The following ZYG11B variants were observed in gnomAD, a reference collection of about 807,000 sequenced individuals.
The protein encoded by ZYG11B is zyg-11 family member B, cell cycle regulator.
In ZYG11B, 36 loss-of-function variants were observed where a neutral mutation model predicts 82.4. The observed-to-expected ratio is 0.44, with a 90% CI of 0.33 to 0.58. The LOEUF (loss-of-function observed/expected upper bound fraction) is 0.58, where lower values mean the gene tolerates loss of function less well. Among genes scored for constraint, ZYG11B ranks in the 20% least tolerant of loss-of-function variants. ZYG11B has a pLI of 0.02. For synonymous variants in ZYG11B, 303 were observed against 312.8 expected, an observed-to-expected ratio of 0.97 and a Z score of 0.33; for missense variants, 552 against 895.6, an observed-to-expected ratio of 0.62 and a Z score of 4.90.
chr1:52,798,020 G>A (rs915021846), intron 8 of ZYG11B, among the ~76,000 whole-genome samples: 1 of 152,002 alleles, frequency 6.6e-6, no homozygotes, highest in East Asian at 1.9e-4. Context: ...CTACTCAAGA[G>A]GCTGAGGTGG....
intron 3 of ZYG11B, among the ~76,000 whole-genome samples, chr1:52,778,392 C>T (rs541142413): frequency 2.0e-5 from 3 of 152,116 alleles, no homozygotes; most frequent in African/African-American, 4.8e-5. Flanking sequence ...TCCGAAAGTG[C>T]TGGGATTACA....
chr1:52,781,652 T>C (rs578085825), intron 4 of ZYG11B, among the ~76,000 whole-genome samples: 51 of 152,314 alleles, frequency 3.3e-4, no homozygotes, highest in Admixed American at 5.2e-4. Flanking sequence ...ACCAATGAGC[T>C]TAGGACTCTA....
chr1:52,758,177 C>T (rs1252338875), intron 2 of ZYG11B, among the ~76,000 whole-genome samples: 5 of 133,342 alleles, frequency 3.7e-5, no homozygotes, highest in South Asian at 2.3e-4. Flanking sequence ...CCTGGCTGGG[C>T]GACAGAGCAA....
At chr1:52,820,017 C>T (rs1176233933) in intron 13 of ZYG11B, among the ~76,000 whole-genome samples, 1 of 151,230 alleles carries the variant, frequency 6.6e-6, no homozygotes, top group Non-Finnish European at 1.5e-5. Context: ...CACTTCACGC[C>T]ATTCTCCTGC....
At chr1:52,763,306 A>G (rs1167024949) in intron 2 of ZYG11B, among the ~76,000 whole-genome samples, 1 of 152,152 alleles carries the variant, frequency 6.6e-6, no homozygotes, top group African/African-American at 2.4e-5. Flanking sequence ...TACAAATTTT[A>G]AGATATTTTT....
At position 52,755,245 on chromosome 1, in the gene ZYG11B, G is replaced by A. The variant is rs1027923821; in HGVS notation, c.31-1213G>A. Among the ~76,000 whole-genome samples the A allele has an allele frequency of 3.3e-5, 5 of 152,048 alleles. No homozygotes were observed. The South Asian group carries it at 8.3e-4, about 25-fold the overall frequency. ...CAAAGTGCTGGGATTACAGGCGGGA[G>A]CCACTGCACCCGGCCAAAAAGCAAG... On this transcript the variant is annotated intron_variant, in intron 1 of 13. Transcript: ENST00000294353.
intron 3 of ZYG11B, among the ~76,000 whole-genome samples, chr1:52,773,914 A>G (rs1644780727): frequency 6.6e-6 from 1 of 151,440 alleles, no homozygotes. Context: ...AAGTGCTAGG[A>G]TTACAGGAGT....
intron 1 of ZYG11B, among the ~76,000 whole-genome samples, chr1:52,735,284 C>G (rs1363796267): frequency 6.6e-6 from 1 of 152,052 alleles, no homozygotes; most frequent in Non-Finnish European, 1.5e-5. Flanking sequence ...CTGCCTCGGC[C>G]TCCCAGAGTG....
chr1:52,816,509 AT>A, intron 12 of ZYG11B, 22 bp from the exon 13 acceptor site: 1 of 1,529,132 alleles, frequency 6.5e-7, no homozygotes. Context: ...TGTAACTTTG[AT>A]TCTTTTCTTT....
At position 52,771,916 on chromosome 1, in the gene ZYG11B, T is replaced by C. The variant is rs1386300971; in HGVS notation, c.951+142T>C. On this transcript the variant is annotated intron_variant, in intron 3 of 13. Coordinates refer to ENST00000294353, the MANE Select transcript of ZYG11B (RefSeq NM_024646.3). The surrounding 1 kb of genome is among the most constrained non-coding windows in gnomAD (Gnocchi z 5.4). ...ATAGTTGAAAGGCTTAGAGTCCTAA[T>C]TAAAATCTCAGCTTCATGACCCAGA... The C allele has an allele frequency of 9.5e-7, 1 of 1,049,018 alleles. No individual in the cohort carries two copies. The allele number at this position is 1,049,018 out of a possible 1,614,324, so 65.0% of individuals were successfully genotyped here.
chr1:52,749,692 C>G (rs1280950938), intron 1 of ZYG11B, among the ~76,000 whole-genome samples: 1 of 151,920 alleles, frequency 6.6e-6, no homozygotes, highest in East Asian at 1.9e-4. Context: ...CAACCTCCGC[C>G]TCCCGGGTTG....
intron 8 of ZYG11B, 61 bp from the exon 9 acceptor site, chr1:52,801,758 C>T: frequency 1.5e-6 from 2 of 1,377,070 alleles, no homozygotes; most frequent in Non-Finnish European, 2.0e-6. Context: ...GGTTATTAAT[C>T]ACCACAAATT....
chr1:52,745,973 T>C (rs200936510), intron 1 of ZYG11B, among the ~76,000 whole-genome samples: 18,542 of 151,302 alleles, frequency 0.12, 2,556 homozygotes, highest in East Asian at 0.35. Flanking sequence ...TTTTTTTTTT[T>C]TTTGAGACGG....
intron 8 of ZYG11B, among the ~76,000 whole-genome samples, chr1:52,798,328 T>C (rs1291594790): frequency 6.6e-6 from 1 of 151,120 alleles, no homozygotes; most frequent in Admixed American, 6.6e-5. Context: ...TAAGATCCTA[T>C]CTAAGGCCAA....
At chr1:52,728,128 T>TAGA in intron 1 of ZYG11B, among the ~76,000 whole-genome samples, 1 of 152,340 alleles carries the variant, frequency 6.6e-6, no homozygotes, top group East Asian at 1.9e-4. Context: ...AACCGTTCCT[T>TAGA]ACTTATTATT....
intron 4 of ZYG11B, among the ~76,000 whole-genome samples, chr1:52,782,193 C>G (rs1644862675): frequency 6.6e-6 from 1 of 151,496 alleles, no homozygotes; most frequent in Non-Finnish European, 1.5e-5. Context: ...CCTCAGCCTC[C>G]AGAGTGGCTG....
chr1:52,765,190 CT>C (rs937226946), intron 2 of ZYG11B, among the ~76,000 whole-genome samples: 1 of 150,396 alleles, frequency 6.6e-6, no homozygotes, highest in South Asian at 2.1e-4. Flanking sequence ...TCCAGCCTAT[CT>C]TTTTTTTTAA....
intron 1 of ZYG11B, among the ~76,000 whole-genome samples, chr1:52,733,071 C>T (rs1206312791): frequency 6.6e-6 from 1 of 152,164 alleles, no homozygotes; most frequent in Non-Finnish European, 1.5e-5. Flanking sequence ...GAATTATTTC[C>T]TATTTCAGTA....
intron 4 of ZYG11B, among the ~76,000 whole-genome samples, chr1:52,780,688 G>C (rs1644847973): frequency 6.6e-6 from 1 of 152,142 alleles, no homozygotes; most frequent in African/African-American, 2.4e-5. Context: ...CTGTTCACAG[G>C]CCTCAAACTC....
Sources: allele counts gnomAD v4.1 joint callset (sites outside exome capture counted in the v4.1 genomes callset), GRCh38; gene constraint gnomAD v4.1.1; non-coding constraint Gnocchi (gnomAD v3.1); transcripts MANE v1.5; gene names NCBI Gene and HGNC (gene_info 2026-07-23, HGNC 2026-07-21).